The following CADM2 variants were observed in gnomAD, a reference collection of about 807,000 sequenced individuals.
The protein encoded by CADM2 is cell adhesion molecule 2.
A neutral mutation model predicts 49.8 loss-of-function variants in CADM2; 12 were observed. The ratio of observed to expected loss-of-function variants is 0.24; its 90% CI spans 0.15 to 0.39. The LOEUF (loss-of-function observed/expected upper bound fraction) is 0.39. CADM2 is among the 10% of genes least tolerant of loss of function. The probability of loss-of-function intolerance (pLI) is 1.00; values close to 1 mark genes in which losing one functional copy is unlikely to be tolerated. For synonymous variants in CADM2, 214 were observed against 175.4 expected (o/e 1.22, Z -1.74); for missense variants, 378 against 492.3 (o/e 0.77, Z 2.20).
chr3:85,601,140 A>ATG (rs2063385239), intron 1 of CADM2, among the ~76,000 whole-genome samples: 2 of 80,134 alleles, frequency 2.5e-5, no homozygotes, highest in African/African-American at 8.1e-5. Flanking sequence ...GTATATATAT[A>ATG]TATATATATA....
At chr3:85,984,653 A>G (rs989002465) in intron 8 of CADM2, among the ~76,000 whole-genome samples, 4 of 151,934 alleles carry the variant, frequency 2.6e-5, no homozygotes, top group African/African-American at 9.7e-5. Context: ...AAAGATGTAA[A>G]CCAGTATACA....
At chr3:85,127,126 A>G (rs2039062007) in intron 1 of CADM2, among the ~76,000 whole-genome samples, 1 of 152,198 alleles carries the variant, frequency 6.6e-6, no homozygotes, top group Admixed American at 6.5e-5. Flanking sequence ...AAACATATCA[A>G]TATTGACATT....
intron 1 of CADM2, among the ~76,000 whole-genome samples, chr3:85,564,632 G>A (rs1200932505): frequency 6.6e-6 from 1 of 151,914 alleles, no homozygotes; most frequent in Non-Finnish European, 1.5e-5. Context: ...TTCTAGTGTG[G>A]AATTACTAGA....
chr3:85,137,788 G>T (rs1193460303), intron 1 of CADM2, among the ~76,000 whole-genome samples: 1 of 152,002 alleles, frequency 6.6e-6, no homozygotes, highest in Non-Finnish European at 1.5e-5. Context: ...GTAAGCATTT[G>T]ATATGGCTTT....
chr3:85,012,163 AGC>A, intron 1 of CADM2, among the ~76,000 whole-genome samples: 1 of 151,432 alleles, frequency 6.6e-6, no homozygotes, highest in African/African-American at 2.4e-5. Context: ...AAAAAAAATG[AGC>A]TCATGCTCCT....
chr3:86,059,804 C>T (rs1738400395), intron 8 of CADM2, among the ~76,000 whole-genome samples: 1 of 151,996 alleles, frequency 6.6e-6, no homozygotes, highest in African/African-American at 2.4e-5. Context: ...AATACTTATC[C>T]TCAATCCCAA....
At chr3:86,033,534 TTAAA>T (rs1428119615) in intron 8 of CADM2, among the ~76,000 whole-genome samples, 23 of 151,566 alleles carry the variant, frequency 1.5e-4, no homozygotes, top group Middle Eastern at 3.4e-3. Flanking sequence ...AGTAACATCC[TTAAA>T]TAGTCTTGAA....
At chr3:85,480,423 C>A (rs545057897) in intron 1 of CADM2, among the ~76,000 whole-genome samples, 38 of 151,894 alleles carry the variant, frequency 2.5e-4, no homozygotes, top group Non-Finnish European at 3.8e-4. Context: ...TGACTGTGGG[C>A]AAGTTACCAT....
intron 1 of CADM2, among the ~76,000 whole-genome samples, chr3:85,103,935 A>T (rs1364587556): frequency 6.6e-6 from 1 of 152,196 alleles, no homozygotes; most frequent in African/African-American, 2.4e-5. Flanking sequence ...ATTTTTGAGC[A>T]GGAGGTAATT....
chr3:85,153,174 C>T (rs540128400), intron 1 of CADM2, among the ~76,000 whole-genome samples: 72 of 152,170 alleles, frequency 4.7e-4, no homozygotes, highest in African/African-American at 1.6e-3. Flanking sequence ...TCAGAGGTAC[C>T]GGGTTCATCT....
intron 8 of CADM2, among the ~76,000 whole-genome samples, chr3:86,063,371 C>G (rs186089303): frequency 2.3e-4 from 35 of 152,288 alleles, no homozygotes; most frequent in Admixed American, 4.6e-4. Flanking sequence ...AATCAGGGAT[C>G]TGTAGCAATT....
intron 8 of CADM2, among the ~76,000 whole-genome samples, chr3:85,996,290 CTTTTTTT>C (rs397990432): frequency 1.0e-4 from 9 of 89,312 alleles, no homozygotes; most frequent in South Asian, 4.1e-4. Context: ...TTTTCATTTA[CTTTTTTT>C]TTTTTTTTTT....
intron 1 of CADM2, among the ~76,000 whole-genome samples, chr3:85,430,322 G>T (rs2107519587): frequency 6.6e-6 from 1 of 152,078 alleles, no homozygotes; most frequent in Non-Finnish European, 1.5e-5. Context: ...TTCCTATTTA[G>T]AAGAAACCAC....
chr3:84,982,414 A>G (rs1487826844), intron 1 of CADM2, among the ~76,000 whole-genome samples: 1 of 151,950 alleles, frequency 6.6e-6, no homozygotes, highest in Non-Finnish European at 1.5e-5. Flanking sequence ...ATCAACATAA[A>G]CTAAATATCT....
intron 1 of CADM2, among the ~76,000 whole-genome samples, chr3:85,072,925 A>C (rs1247836550): frequency 2.6e-5 from 4 of 152,088 alleles, no homozygotes; most frequent in African/African-American, 4.8e-5. Context: ...TTAACCCTTG[A>C]AATTAATAAG....
intron 1 of CADM2, among the ~76,000 whole-genome samples, chr3:85,332,888 T>C (rs2044970283): frequency 6.6e-6 from 1 of 151,924 alleles, no homozygotes; most frequent in South Asian, 2.1e-4. Context: ...CAGTAGTTTG[T>C]TGATAAATAT....
intron 8 of CADM2, among the ~76,000 whole-genome samples, chr3:86,055,824 G>A (rs992662491): frequency 6.6e-6 from 1 of 152,040 alleles, no homozygotes; most frequent in African/African-American, 2.4e-5. Context: ...TGACTGTTTT[G>A]AGAAAAGCAG....
At chr3:85,278,846 C>A (rs2043425125) in intron 1 of CADM2, among the ~76,000 whole-genome samples, 4 of 150,782 alleles carry the variant, frequency 2.7e-5, no homozygotes. Context: ...CATTTTATAT[C>A]TTGGGAATGT....
At chr3:85,444,921 C>T (rs2037375145) in intron 1 of CADM2, among the ~76,000 whole-genome samples, 2 of 152,104 alleles carry the variant, frequency 1.3e-5, no homozygotes, top group Non-Finnish European at 2.9e-5. Context: ...TCATATTCTT[C>T]TTGAATCTGA....
Sources: allele counts gnomAD v4.1 joint callset (sites outside exome capture counted in the v4.1 genomes callset), GRCh38; gene constraint gnomAD v4.1.1; transcripts MANE v1.5; gene names NCBI Gene and HGNC (gene_info 2026-07-23, HGNC 2026-07-21).